Variants in RAD51B observed in about 807,000 individuals in gnomAD.
RAD51B encodes DNA repair protein RAD51 homolog 2.
RAD51B carries 38 observed loss-of-function variants against 42.2 expected under a neutral mutation model. That is an observed-to-expected ratio of 0.90 (90% CI 0.70 to 1.18). The LOEUF (loss-of-function observed/expected upper bound fraction) is 1.18. Among genes scored for constraint, RAD51B ranks in the 50% most tolerant of loss-of-function variants. The pLI is 0.00. For synonymous variants in RAD51B, 154 were observed against 145.2 expected (o/e 1.06, Z -0.43); for missense variants, 373 against 400.7 (o/e 0.93, Z 0.59).
intron 10 of RAD51B, among the ~76,000 whole-genome samples, chr14:68,573,973 T>C (rs558647776): frequency 0.029 from 1,471 of 51,032 alleles, 19 homozygotes; most frequent in Middle Eastern, 0.061. Context: ...TGGGTGTCAG[T>C]GTGTGTATGT....
intron 5 of RAD51B, among the ~76,000 whole-genome samples, chr14:67,876,301 C>G (rs1265340487): frequency 6.6e-6 from 1 of 152,098 alleles, no homozygotes; most frequent in Non-Finnish European, 1.5e-5. Flanking sequence ...TTTTGGAAAA[C>G]TTTTTACATT....
chr14:68,610,585 T>C (rs1333351018), intron 10 of RAD51B, among the ~76,000 whole-genome samples: 1 of 152,258 alleles, frequency 6.6e-6, no homozygotes. Flanking sequence ...GATATGTACC[T>C]GTGCTCACAC....
intron 4 of RAD51B, among the ~76,000 whole-genome samples, chr14:67,837,837 T>C (rs1378756731): frequency 6.6e-6 from 1 of 152,168 alleles, no homozygotes; most frequent in Non-Finnish European, 1.5e-5. Flanking sequence ...TTTGAAAATA[T>C]ATAATAAATT....
At chr14:68,414,565 T>A (rs537224791) in intron 9 of RAD51B, among the ~76,000 whole-genome samples, 1 of 152,178 alleles carries the variant, frequency 6.6e-6, no homozygotes, top group African/African-American at 2.4e-5. Context: ...GCCCTCGAGG[T>A]CCAAACAAAC....
At position 67,916,610 on chromosome 14, in the gene RAD51B, G is replaced by A. The variant is rs565589874; in HGVS notation, c.756+29406G>A. On this transcript the variant is annotated intron_variant, in intron 7 of 10. Transcript: ENST00000471583. ...AAGCTTGGGCTTGGAAGTCTATGGA[G>A]GCTTTATTTATTTTAGCCACAGACA... Among the ~76,000 whole-genome samples, 121 of 152,088 alleles carry A rather than the reference G, an allele frequency of 8.0e-4. 1 individual carries two copies. The highest frequency in any genetic ancestry group is 2.9e-3 in the African/African-American group (119 of 41,472).
intron 9 of RAD51B, among the ~76,000 whole-genome samples, chr14:68,415,297 T>C (rs1357891539): frequency 6.6e-6 from 1 of 151,990 alleles, no homozygotes; most frequent in Non-Finnish European, 1.5e-5. Context: ...TGGGGTAGAG[T>C]GAGCTGCAGC....
intron 7 of RAD51B, among the ~76,000 whole-genome samples, chr14:68,248,396 A>AAATGAGAAG (rs766314178): frequency 5.3e-5 from 8 of 152,150 alleles, no homozygotes; most frequent in Non-Finnish European, 8.8e-5. Context: ...CATTCAATTC[A>AAATGAGAAG]AATGAGAAGG....
chr14:68,016,407 A>T (rs1014290695), intron 7 of RAD51B, among the ~76,000 whole-genome samples: 2 of 152,232 alleles, frequency 1.3e-5, no homozygotes, highest in Non-Finnish European at 2.9e-5. Flanking sequence ...GAACACCATC[A>T]TATAGTAATC....
At chr14:67,945,287 T>A (rs1278819882) in intron 7 of RAD51B, among the ~76,000 whole-genome samples, 1 of 152,212 alleles carries the variant, frequency 6.6e-6, no homozygotes, top group Non-Finnish European at 1.5e-5. Context: ...CTAGTGCCAT[T>A]TGGTGAGATC....
chr14:68,120,099 T>C (rs868314114), intron 7 of RAD51B, among the ~76,000 whole-genome samples: 1 of 152,214 alleles, frequency 6.6e-6, no homozygotes, highest in Non-Finnish European at 1.5e-5. Flanking sequence ...ATGTGTTTTT[T>C]GGCTGCATAA....
chr14:68,424,033 A>C (rs2084775094), intron 9 of RAD51B, among the ~76,000 whole-genome samples: 1 of 152,132 alleles, frequency 6.6e-6, no homozygotes. Context: ...TTATCGTCAA[A>C]GAAGAAAGAG....
chr14:68,004,353 A>AT (rs1555339648), intron 7 of RAD51B, among the ~76,000 whole-genome samples: 3,447 of 146,536 alleles, frequency 0.024, 233 homozygotes, highest in African/African-American at 0.063. Context: ...AAAAAAAAAA[A>AT]AAGAATATAT....
chr14:68,206,233 G>A (rs1053292961), intron 7 of RAD51B, among the ~76,000 whole-genome samples: 1 of 152,122 alleles, frequency 6.6e-6, no homozygotes. Flanking sequence ...ACATCTGCAG[G>A]CACATAATGT....
chr14:67,855,726 AT>A (rs2139959969), intron 4 of RAD51B, among the ~76,000 whole-genome samples: 1 of 152,296 alleles, frequency 6.6e-6, no homozygotes, highest in East Asian at 1.9e-4. Flanking sequence ...AGCAGCAAAC[AT>A]TTATTTTTTT....
At chr14:68,074,771 C>G (rs2076806083) in intron 7 of RAD51B, among the ~76,000 whole-genome samples, 2 of 152,136 alleles carry the variant, frequency 1.3e-5, no homozygotes, top group South Asian at 2.1e-4. Context: ...AATTCTTGTC[C>G]TTGGTTCCCC....
At chr14:67,847,184 G>C (rs1442527703) in intron 4 of RAD51B, among the ~76,000 whole-genome samples, 1 of 152,090 alleles carries the variant, frequency 6.6e-6, no homozygotes, top group Admixed American at 6.6e-5. Flanking sequence ...AAAGATCTCA[G>C]AATGTGCCAG....
Position 68,119,085 on chromosome 14 carries a change from C to T in RAD51B, c.757-172799C>T, listed in dbSNP as rs1023911637. On this transcript the variant is annotated intron_variant, in intron 7 of 10. Transcript: ENST00000471583. Reference sequence around the variant, plus strand: ...TAATGCTCCCACCTCAGTCTCCCCACGTACAGGCACGTGCCACTCACTAAT... The same window carrying T: ...TAATGCTCCCACCTCAGTCTCCCCATGTACAGGCACGTGCCACTCACTAAT... Among the ~76,000 whole-genome samples the T allele has an allele frequency of 1.3e-4, 20 of 151,738 alleles. 1 individual carries two copies. The East Asian group carries it at 2.9e-3, about 22-fold the overall frequency.
At chr14:68,396,554 A>G (rs570789794) in intron 8 of RAD51B, among the ~76,000 whole-genome samples, 121 of 152,346 alleles carry the variant, frequency 7.9e-4, no homozygotes, top group African/African-American at 2.9e-3. Flanking sequence ...AAGAAGGTGA[A>G]CCAGATGTGG....
intron 7 of RAD51B, among the ~76,000 whole-genome samples, chr14:68,173,450 TG>T (rs2078910362): frequency 6.6e-6 from 1 of 152,152 alleles, no homozygotes; most frequent in African/African-American, 2.4e-5. Context: ...GAGACCTAAG[TG>T]GGGAATTAAC....
Sources: allele counts gnomAD v4.1 joint callset (sites outside exome capture counted in the v4.1 genomes callset), GRCh38; gene constraint gnomAD v4.1.1; transcripts MANE v1.5; gene names NCBI Gene and HGNC (gene_info 2026-07-23, HGNC 2026-07-21).